Variants in CAPN2 observed in about 807,000 individuals in gnomAD.
CAPN2 encodes the protein calpain 2.
Under a neutral mutation model 102.3 loss-of-function variants are expected in CAPN2, and 92 were observed. That is an observed-to-expected ratio of 0.90 (90% CI 0.76 to 1.07). CAPN2 has a LOEUF of 1.07. Ranked by LOEUF, CAPN2 falls within the 50% of genes least tolerant of loss-of-function variation. The pLI is 0.00. For missense variants in CAPN2, 800 were observed against 909.4 expected (o/e 0.88, Z 1.55); for synonymous variants, 340 against 355.4 (o/e 0.96, Z 0.49).
chr1:223,738,624 G>T (rs910878534), intron 2 of CAPN2, among the ~76,000 whole-genome samples: 2 of 152,156 alleles, frequency 1.3e-5, no homozygotes, highest in African/African-American at 4.8e-5. Context: ...GCAGGCTCAC[G>T]TGCACACTCT....
chr1:223,757,255 GTTGATA>G, intron 10 of CAPN2, 108 bp from the exon 11 acceptor site: 2 of 1,143,790 alleles, frequency 1.7e-6, no homozygotes, highest in South Asian at 2.5e-5. Context: ...GGTTGAATTA[GTTGATA>G]TTGCTAATGC....
intron 2 of CAPN2, among the ~76,000 whole-genome samples, chr1:223,720,079 G>C (rs970907426): frequency 5.9e-5 from 9 of 152,260 alleles, no homozygotes; most frequent in African/African-American, 2.2e-4. Context: ...CCTAGACTCA[G>C]CTCTGTTGGT....
At chr1:223,762,355 T>C in intron 14 of CAPN2, 104 bp downstream of exon 14, 1 of 915,356 alleles carries the variant, frequency 1.1e-6, no homozygotes, top group Non-Finnish European at 1.7e-6. Context: ...GGAAACAAAC[T>C]GAACAAAAGC....
intron 7 of CAPN2, among the ~76,000 whole-genome samples, chr1:223,751,356 T>C (rs1660892564): frequency 6.6e-6 from 1 of 152,180 alleles, no homozygotes; most frequent in African/African-American, 2.4e-5. Flanking sequence ...CAGAGAAACA[T>C]CCCTCTGTTG....
At chr1:223,710,917 T>C (rs1659712650), upstream of CAPN2, among the ~76,000 whole-genome samples, 1 of 150,684 alleles carries the variant, frequency 6.6e-6, no homozygotes. Context: ...CCCTAACATG[T>C]ATAAAACCAA....
chr1:223,774,815 T>A lies in CAPN2; in HGVS notation c.2080-19T>A. 6.2e-7 allele frequency: 1 copy of A among 1,613,024 alleles called. No individual in the cohort carries two copies. Among genetic ancestry groups the A allele is most frequent in the African/African-American group, 1.3e-5 (1 of 75,032 alleles). On this transcript the variant is annotated intron_variant, in intron 20 of 20. Coordinates refer to ENST00000295006, the MANE Select transcript of CAPN2 (RefSeq NM_001748.5). ...TAAAAGTGGTCACTGAGCTGACTTT[T>A]TTTTTTCCTTCCTCACAGTGGCTCT...
At chr1:223,719,825 TGTGTGTGC>T (rs1660001532) in intron 2 of CAPN2, among the ~76,000 whole-genome samples, 1 of 151,450 alleles carries the variant, frequency 6.6e-6, no homozygotes, top group Admixed American at 6.6e-5. Context: ...TGTGTGTGTG[TGTGTGTGC>T]GCGCGCGCGC....
In CAPN2 at chr1:223,727,209, T is replaced by A. The variant is rs1160540506; in HGVS notation, c.307+9378T>A. Among the ~76,000 whole-genome samples, 1 of 152,234 alleles carries A rather than the reference T, an allele frequency of 6.6e-6. No homozygotes were observed. Among genetic ancestry groups the A allele is most frequent in the Non-Finnish European group, 1.5e-5 (1 of 68,042 alleles). On this transcript the variant is annotated intron_variant, in intron 2 of 20. Transcript: ENST00000295006. The surrounding 1 kb of genome is among the most constrained non-coding windows in gnomAD (Gnocchi z 4.1). ...TTGGTCTGTTTATCGTGTATCTAGC[T>A]GTCAGCATGCAAAACAAAAGAACAA...
chr1:223,737,707 CGGGG>C (rs1257475756), intron 2 of CAPN2, among the ~76,000 whole-genome samples: 1 of 58,754 alleles, frequency 1.7e-5, no homozygotes, highest in African/African-American at 6.4e-5. Context: ...AGAGACGGGG[CGGGG>C]GGTGGGGGGG....
chr1:223,770,586 C>A, intron 18 of CAPN2, 61 bp downstream of exon 18: 1 of 1,101,204 alleles, frequency 9.1e-7, no homozygotes, highest in Non-Finnish European at 1.4e-6. Context: ...TATGTGAACA[C>A]TCATCTTATA....
intron 2 of CAPN2, among the ~76,000 whole-genome samples, chr1:223,730,405 ATTCTTC>A (rs35268160): frequency 2.6e-5 from 4 of 151,332 alleles, no homozygotes; most frequent in Non-Finnish European, 5.9e-5. Context: ...GCCCAAGACA[ATTCTTC>A]TTCTTCCAGT....
At position 223,752,082 on chromosome 1, in the gene CAPN2, T is replaced by C; in HGVS notation, c.974+11T>C. The C allele has an allele frequency of 6.3e-7, 1 of 1,591,298 alleles. No homozygotes were observed. Among genetic ancestry groups the C allele is most frequent in the African/African-American group, 1.3e-5 (1 of 74,474 alleles). ...AGATGGAGAATTCTGGTAAGATTAG[T>C]GGAGGCTTCAGGGAAAGCTCTGTCT... On this transcript the variant is annotated intron_variant, in intron 8 of 20. Coordinates refer to ENST00000295006, the MANE Select transcript of CAPN2 (RefSeq NM_001748.5).
At chr1:223,708,061 C>T (rs775884718), upstream of CAPN2, among the ~76,000 whole-genome samples, 2 of 152,246 alleles carry the variant, frequency 1.3e-5, no homozygotes, top group African/African-American at 2.4e-5. Flanking sequence ...AGGGCTGTCG[C>T]TTTCCTCTGT....
chr1:223,705,468 G>A lies in CAPN2; in HGVS notation c.3+3637G>A, dbSNP rs560451153. Among the ~76,000 whole-genome samples the A allele has an allele frequency of 5.9e-5, 9 of 152,272 alleles. No homozygotes were observed. The East Asian group carries it at 7.7e-4, about 13-fold the overall frequency. ...TATATCTGGGCAGTTCTAGAATTTC[G>A]ATGTGGGAGGGACTTAGGGATGAAA... On this transcript the variant is annotated intron_variant, in intron 1 of 20. Coordinates refer to the CAPN2 transcript ENST00000433674.
At chr1:223,745,054 A>G (rs1049618274) in intron 3 of CAPN2, among the ~76,000 whole-genome samples, 10 of 147,984 alleles carry the variant, frequency 6.8e-5, no homozygotes, top group African/African-American at 2.3e-4. Flanking sequence ...AAAAAAAAAA[A>G]AACAGCCTAA....
At chr1:223,703,428 A>C (rs1474614216) in intron 1 of CAPN2, among the ~76,000 whole-genome samples, 2 of 151,922 alleles carry the variant, frequency 1.3e-5, no homozygotes, top group Non-Finnish European at 2.9e-5. Context: ...GGCCATTTGC[A>C]AAGCACCTGA....
At chr1:223,722,281 C>CTTTTTTTTTTTTTTTTTTTTTTTTT (rs34894876) in intron 2 of CAPN2, among the ~76,000 whole-genome samples, 10 of 85,516 alleles carry the variant, frequency 1.2e-4, no homozygotes, top group Admixed American at 1.5e-4. Context: ...TTCTTTCTTT[C>CTTTTTTTTTTTTTTTTTTTTTTTTT]TTTTTTTTTT....
chr1:223,753,782 A>G (rs966976269), intron 9 of CAPN2, among the ~76,000 whole-genome samples: 2 of 152,270 alleles, frequency 1.3e-5, no homozygotes, highest in African/African-American at 4.8e-5. Flanking sequence ...TATTTTAAAT[A>G]TGCTATAGAA....
chr1:223,763,707 G>A (rs1175034490), intron 14 of CAPN2, among the ~76,000 whole-genome samples: 1 of 152,190 alleles, frequency 6.6e-6, no homozygotes, highest in East Asian at 1.9e-4. Flanking sequence ...GGGTAGAGGG[G>A]AGTATTTATT....
Sources: gnomAD v4.1 joint callset for allele counts (sites outside exome capture counted in the v4.1 genomes callset) on GRCh38, gnomAD v4.1.1 for gene constraint, Gnocchi (gnomAD v3.1) non-coding constraint, MANE v1.5 for transcripts, NCBI Gene and HGNC (gene_info 2026-07-23, HGNC 2026-07-21) for gene names.